Variants in FOXP3 observed in about 807,000 individuals in gnomAD.
The protein encoded by FOXP3 is forkhead box P3, also known as forkhead box protein P3.
Under a neutral mutation model 31.2 loss-of-function variants are expected in FOXP3, and 5 were observed. That is an observed-to-expected ratio of 0.16 (90% confidence interval 0.08 to 0.34). The LOEUF is 0.34. FOXP3 is among the 10% of genes least tolerant of loss of function. The pLI, the probability that FOXP3 is intolerant of heterozygous loss-of-function variation, is 1.00. For synonymous variants in FOXP3, 141 were observed against 148.8 expected (o/e 0.95, Z 0.38); for missense variants, 251 against 363.0 (o/e 0.69, Z 2.51).
At chrX:49,262,069 AGAGC>A (rs782797058) in intron 1 of FOXP3, among the ~76,000 whole-genome samples, 1 of 112,364 alleles carries the variant, frequency 8.9e-6, no homozygotes, top group African/African-American at 3.2e-5. Context: ...ACACACACAA[AGAGC>A]GAGCAAGAGA....
At chrX:49,253,806 A>T in intron 9 of FOXP3, 111 bp downstream of exon 9, 1 of 920,436 alleles carries the variant, frequency 1.1e-6, no homozygotes, top group Non-Finnish European at 1.6e-6. Context: ...CGGCAGCTGC[A>T]GTGGTGGTGG....
chrX:49,257,919 A>G, intron 2 of FOXP3, 151 bp from the exon 3 acceptor site: 1 of 503,944 alleles, frequency 2.0e-6, no homozygotes, highest in Non-Finnish European at 3.3e-6. Flanking sequence ...AGATCGAGTA[A>G]CTTTTTAAAG....
Position 49,251,658 on chromosome X carries a change from G to T in FOXP3, c.1146+6C>A. ...TCCCAGTCACCGCCACCTCAGAGGAGCTCACCTTCCAGGTGGCAGGATGGT... is the reference window on the plus strand; with the variant it reads ...TCCCAGTCACCGCCACCTCAGAGGATCTCACCTTCCAGGTGGCAGGATGGT... On this transcript the variant is annotated splice_donor_region_variant and intron_variant, in intron 11 of 11. Transcript: ENST00000376207. The T allele has an allele frequency of 8.3e-7, 1 of 1,209,421 alleles. No individual in the cohort carries two copies. The highest frequency in any genetic ancestry group is 1.1e-6 in the Non-Finnish European group (1 of 895,315).
At position 49,264,138 on chromosome X, in the gene FOXP3, C is replaced by T. The variant is rs11465464; in HGVS notation, c.-23+523G>A. 0.07 allele frequency among the ~76,000 whole-genome samples: 7,781 copies of T among 110,682 alleles called. 688 individuals carry two copies. Among genetic ancestry groups the T allele is most frequent in the African/African-American group, 0.24 (7,358 of 30,178 alleles). The stretch of plus-strand genomic sequence containing the variant: ...TGGAGTGTGGTCAAGATGGAGGAGA[C>T]AGAGATAGGGGAGATGGTCAGAGGC... On this transcript the variant is annotated intron_variant, in intron 1 of 11. Coordinates refer to ENST00000376207, the MANE Select transcript of FOXP3 (RefSeq NM_014009.4).
At position 49,264,643 on chromosome X, in the gene FOXP3, G is replaced by T; in HGVS notation, c.-23+18C>A. The T allele has an allele frequency of 1.3e-6, 1 of 752,797 alleles. No individual in the cohort carries two copies. Among genetic ancestry groups the T allele is most frequent in the Non-Finnish European group, 1.6e-6 (1 of 637,714 alleles). The allele number at this position is 752,797 out of a possible 1,213,427, so 62.0% of individuals were successfully genotyped here. A position where few individuals can be genotyped will look rare whatever the true frequency, so the allele number is the denominator to read the frequency against. On this transcript the variant is annotated intron_variant, in intron 1 of 11. Coordinates refer to ENST00000376207, the MANE Select transcript of FOXP3 (RefSeq NM_014009.4). ...CCAATGGGGCCCACATCTGGTAGGGGAGAGCAGGGACACTCACCTTGGTGA... is the reference window on the plus strand; with the variant it reads ...CCAATGGGGCCCACATCTGGTAGGGTAGAGCAGGGACACTCACCTTGGTGA...
intron 7 of FOXP3, 94 bp downstream of exon 7, chrX:49,255,621 C>G: frequency 9.0e-7 from 1 of 1,105,973 alleles, no homozygotes; most frequent in Non-Finnish European, 1.2e-6. Flanking sequence ...TTTATACCAG[C>G]CCTCGTCCCA....
chrX:49,253,557 C>T (rs1283868582), intron 9 of FOXP3, among the ~76,000 whole-genome samples: 2 of 112,171 alleles, frequency 1.8e-5, no homozygotes, highest in African/African-American at 6.5e-5. Flanking sequence ...GCGAATCCAC[C>T]CCGATTTTCC....
At chrX:49,256,694 C>T (rs1557116395) in intron 6 of FOXP3, 57 bp downstream of exon 6, 3 of 1,032,240 alleles carry the variant, frequency 2.9e-6, no homozygotes, top group East Asian at 3.0e-5. Flanking sequence ...GATCTGCACC[C>T]TAGACCTCTC....
intron 4 of FOXP3, 140 bp downstream of exon 4, chrX:49,257,287 G>T: frequency 1.2e-6 from 1 of 834,860 alleles, no homozygotes; most frequent in Non-Finnish European, 1.6e-6. Context: ...TTTTTTGGAG[G>T]GTGGAGTTTC....
intron 1 of FOXP3, among the ~76,000 whole-genome samples, chrX:49,262,310 G>T (rs2066115424): frequency 1.8e-5 from 2 of 112,640 alleles, no homozygotes; most frequent in South Asian, 3.7e-4. Context: ...AAACAGTGTG[G>T]CCCTGGTATA....
In FOXP3 at chrX:49,257,700, C is replaced by G; in HGVS notation, c.279G>C (p.Gln93His). 9 of 1,182,162 alleles carry G rather than the reference C, an allele frequency of 7.6e-6. No individual in the cohort carries two copies. The highest frequency in any genetic ancestry group is 1.0e-5 in the Non-Finnish European group (9 of 879,835). ...AATGTGGCCTGTCCTGGAGGAGTGC[C>G]TGTAAGTGGGGCAAGGGGCCCAGCC... ...GARLGPLPHL[Q>H]ALLQDRPHFM... The change falls in exon 3 of 12, where the codon CAG becomes CAC. Residue 93 changes from glutamine to histidine, a missense_variant. By Grantham distance (24) the Gln-to-His change is conservative. Around this residue, in one of 4 missense-constraint regions of FOXP3, gnomAD observed 152 missense variants for 188.1 expected, o/e 0.81. Coordinates refer to ENST00000376207, the MANE Select transcript of FOXP3 (RefSeq NM_014009.4).
Position 49,255,416 on chromosome X carries a change from T to C in FOXP3, c.816+13A>G. On this transcript the variant is annotated intron_variant, in intron 8 of 11. Coordinates refer to ENST00000376207, the MANE Select transcript of FOXP3 (RefSeq NM_014009.4). ...AGTCTGAGTCTGCCACCACCAGTCC[T>C]GGGGTCGCTCACCACAGATGAAGCC... 2 of 1,199,760 alleles carry C rather than the reference T, an allele frequency of 1.7e-6. No homozygotes were observed. Among genetic ancestry groups the C allele is most frequent in the Non-Finnish European group, 2.3e-6 (2 of 888,381 alleles).
At chrX:49,259,792 G>A (rs1169238890) in intron 1 of FOXP3, among the ~76,000 whole-genome samples, 2 of 111,713 alleles carry the variant, frequency 1.8e-5, no homozygotes, top group South Asian at 3.7e-4. Context: ...TAGTCCCATA[G>A]TGACTTGAGA....
intron 8 of FOXP3, among the ~76,000 whole-genome samples, chrX:49,255,198 C>T (rs1256777515): frequency 2.7e-5 from 3 of 112,324 alleles, no homozygotes; most frequent in African/African-American, 9.7e-5. Context: ...CCACCCGCCT[C>T]GGCCTCCCAA....
At chrX:49,257,807 C>G (rs1557116632) in intron 2 of FOXP3, 39 bp from the exon 3 acceptor site, 1 of 1,032,008 alleles carries the variant, frequency 9.7e-7, no homozygotes, top group East Asian at 3.3e-5. Flanking sequence ...CCATCCTGAT[C>G]CTCACTGTTC....
intron 1 of FOXP3, among the ~76,000 whole-genome samples, chrX:49,260,824 A>G (rs782759028): frequency 8.8e-6 from 1 of 113,078 alleles, no homozygotes; most frequent in South Asian, 3.6e-4. Context: ...GCCGGGCTTC[A>G]TCGACACCAC....
chrX:49,259,243 C>T (rs1557116899), intron 1 of FOXP3: 12 of 522,792 alleles, frequency 2.3e-5, no homozygotes, highest in Non-Finnish European at 4.2e-5. Context: ...GGGGACATGG[C>T]GGGGAGTTGG....
chrX:49,255,377 C>T, intron 8 of FOXP3, 52 bp downstream of exon 8: 1 of 1,125,065 alleles, frequency 8.9e-7, no homozygotes, highest in South Asian at 1.9e-5. Flanking sequence ...CAGACCTCCT[C>T]CCTGCCCCCC....
Position 49,250,597 on chromosome X carries a change from G to A in FOXP3, c.*737C>T, listed in dbSNP as rs1326809055. ...GCAGGGGAGACACGGGGTATTTTTG[G>A]CAAGGCAGTGTGTGTGGCTGTGTGT... On this transcript the variant is annotated 3_prime_UTR_variant, in exon 12 of 12. Transcript: ENST00000376207. 22 of 358,197 alleles carry A rather than the reference G, an allele frequency of 6.1e-5. No individual in the cohort carries two copies. The highest frequency in any genetic ancestry group is 5.3e-4 in the African/African-American group (21 of 39,536). The allele number at this position is 358,197 out of a possible 1,213,427, so 29.5% of individuals were successfully genotyped here.
Sources: allele counts gnomAD v4.1 joint callset (sites outside exome capture counted in the v4.1 genomes callset), GRCh38; gene constraint gnomAD v4.1.1; regional missense constraint gnomAD v4.1.1; transcripts MANE v1.5; gene names NCBI Gene and HGNC (gene_info 2026-07-23, HGNC 2026-07-21).